ZNF236: variants seen among roughly 807,000 people sequenced by gnomAD.
The protein encoded by ZNF236 is regulated by glucose.
A neutral mutation model predicts 191.2 loss-of-function variants in ZNF236; 50 were observed. The ratio of observed to expected loss-of-function variants is 0.26; its 90% CI spans 0.21 to 0.33. The LOEUF (loss-of-function observed/expected upper bound fraction) is 0.33. ZNF236 is among the 10% of genes least tolerant of loss of function. The pLI is 1.00. For missense variants in ZNF236, 1,754 were observed against 2,374.5 expected (o/e 0.74, Z 5.43); for synonymous variants, 907 against 928.8 (o/e 0.98, Z 0.43).
intron 21 of ZNF236, among the ~76,000 whole-genome samples, chr18:76,923,947 A>T (rs1225894291): frequency 6.6e-6 from 1 of 152,184 alleles, no homozygotes; most frequent in East Asian, 1.9e-4. Context: ...TGTTGTTATA[A>T]TGATTCATAG....
At chr18:76,930,305 T>C (rs533387533) in intron 25 of ZNF236, among the ~76,000 whole-genome samples, 4 of 152,258 alleles carry the variant, frequency 2.6e-5, no homozygotes, top group Non-Finnish European at 5.9e-5. Context: ...TAGTGCAGCA[T>C]ACTTTTGTCT....
chr18:76,932,413 C>T (rs934656281), intron 25 of ZNF236, among the ~76,000 whole-genome samples: 1 of 152,196 alleles, frequency 6.6e-6, no homozygotes, highest in Non-Finnish European at 1.5e-5. Context: ...TTTCTCCAAA[C>T]GTTTTCTAAA....
chr18:76,881,601 T>C, intron 9 of ZNF236, 89 bp downstream of exon 9: 2 of 1,125,142 alleles, frequency 1.8e-6, no homozygotes, highest in Non-Finnish European at 2.5e-6. Context: ...CCTCTGAAGG[T>C]GATAGGATAT....
chr18:76,870,385 G>T (rs1191279345), intron 4 of ZNF236, among the ~76,000 whole-genome samples: 1 of 152,092 alleles, frequency 6.6e-6, no homozygotes. Flanking sequence ...AGGCTTTAAT[G>T]CAGGCATTTT....
Position 76,848,076 on chromosome 18 carries a change from C to A in ZNF236, c.56-1450C>A, listed in dbSNP as rs76108005. On this transcript the variant is annotated intron_variant, in intron 1 of 30. Coordinates refer to ENST00000320610, the MANE Select transcript of ZNF236 (RefSeq NM_001306089.2). ...CTCTGTGCCCCTCCCATGTGGGCTT[C>A]ACCTACCTCCTGTCTTTTGGAATCT... 2.3e-3 allele frequency among the ~76,000 whole-genome samples: 346 copies of A among 152,310 alleles called. 1 individual carries two copies. The highest frequency in any genetic ancestry group is 7.7e-3 in the African/African-American group (320 of 41,552).
At position 76,841,245 on chromosome 18, in the gene ZNF236, G is replaced by A. The variant is rs543072442; in HGVS notation, c.56-8281G>A. ...AGCCACCGCACCCGGCGTCGTTTTT[G>A]TATTTTTAGTAGAGACAAGGTTTCA... On this transcript the variant is annotated intron_variant, in intron 1 of 30. Coordinates refer to ENST00000320610, the MANE Select transcript of ZNF236 (RefSeq NM_001306089.2). 3.3e-5 allele frequency: 5 copies of A among 150,490 alleles called. No homozygotes were observed. The East Asian group carries it at 6.1e-4, about 18-fold the overall frequency. The allele number at this position is 150,490 out of a possible 1,614,324, so 9.3% of individuals were successfully genotyped here. A position where few individuals can be genotyped will look rare whatever the true frequency, so the allele number is the denominator to read the frequency against.
chr18:76,824,325 C>A, intron 1 of ZNF236: 1 of 781,058 alleles, frequency 1.3e-6, no homozygotes, highest in Admixed American at 1.7e-5. Flanking sequence ...CGTTGGTGAC[C>A]AACAGGCGTT....
chr18:76,848,951 G>A (rs988505156), intron 1 of ZNF236, among the ~76,000 whole-genome samples: 10 of 152,204 alleles, frequency 6.6e-5, no homozygotes, highest in African/African-American at 2.2e-4. Flanking sequence ...GAGCCACTGT[G>A]CGTGGCAGTT....
chr18:76,848,240 C>G (rs989816563), intron 1 of ZNF236, among the ~76,000 whole-genome samples: 1 of 152,222 alleles, frequency 6.6e-6, no homozygotes, highest in Non-Finnish European at 1.5e-5. Flanking sequence ...CACACAAACT[C>G]TTGAGAACAA....
At chr18:76,918,076 C>A (rs1000979329) in intron 19 of ZNF236, among the ~76,000 whole-genome samples, 1 of 152,122 alleles carries the variant, frequency 6.6e-6, no homozygotes, top group African/African-American at 2.4e-5. Flanking sequence ...TAACCACTGT[C>A]CACTTTGCAA....
chr18:76,863,058 A>G (rs114004464), intron 3 of ZNF236, among the ~76,000 whole-genome samples: 1,633 of 152,344 alleles, frequency 0.011, 38 homozygotes, highest in African/African-American at 0.037. Flanking sequence ...CCCATGATTG[A>G]ACTAAAGAAC....
At chr18:76,824,112 T>A (rs1460190961) in intron 1 of ZNF236, 3 of 567,154 alleles carry the variant, frequency 5.3e-6, no homozygotes, top group African/African-American at 3.8e-5. Flanking sequence ...CTGAGGCTCA[T>A]TAAAGAGCTT....
chr18:76,947,536 G>A lies in ZNF236; in HGVS notation c.4798G>A (p.Ala1600Thr). The change falls in exon 27 of 31, where the codon GCG (alanine) becomes ACG (threonine). Residue 1600 changes from alanine to threonine, a missense_variant. Ala to Thr is a moderately conservative substitution (Grantham distance 58). Coordinates refer to ENST00000320610, the MANE Select transcript of ZNF236 (RefSeq NM_001306089.2). ...NITSQGQQFP[A>T]LLTDPSLSGQ... is the part of the protein sequence containing the mutation. ...CTTTTGCCAGGGTCAGCAGTTCCCA[G>A]CGCTCCTCACGGATCCCTCTCTCTC... 1 of 1,613,830 alleles carries A rather than the reference G, an allele frequency of 6.2e-7. No individual in the cohort carries two copies. The highest frequency in any genetic ancestry group is 8.5e-7 in the Non-Finnish European group (1 of 1,179,876).
intron 1 of ZNF236, among the ~76,000 whole-genome samples, chr18:76,840,265 C>T (rs750560373): frequency 2.0e-4 from 31 of 152,304 alleles, no homozygotes; most frequent in Non-Finnish European, 4.1e-4. Context: ...GAGGCCGAGG[C>T]GGATGGATCA....
intron 9 of ZNF236, among the ~76,000 whole-genome samples, chr18:76,893,181 T>C (rs191849237): frequency 2.4e-4 from 36 of 152,370 alleles, no homozygotes; most frequent in Admixed American, 1.4e-3. Flanking sequence ...TTCTGGGGAA[T>C]GGTGTCCTAA....
chr18:76,836,279 G>A (rs1380268931), intron 1 of ZNF236, among the ~76,000 whole-genome samples: 3 of 151,774 alleles, frequency 2.0e-5, no homozygotes, highest in Non-Finnish European at 4.4e-5. Context: ...GGAGTGCAGT[G>A]GTGCGAGCAT....
intron 30 of ZNF236, among the ~76,000 whole-genome samples, chr18:76,967,670 G>T (rs200657077): frequency 1.0e-3 from 5 of 4,894 alleles, no homozygotes; most frequent in Admixed American, 1.9e-3. Flanking sequence ...TTGTGATTTG[G>T]TGTTGGAGGT....
chr18:76,900,384 C>T (rs111953034), intron 11 of ZNF236, among the ~76,000 whole-genome samples: 76 of 152,250 alleles, frequency 5.0e-4, no homozygotes, highest in East Asian at 2.3e-3. Flanking sequence ...CACCTTAAAA[C>T]GGAAGATTTG....
intron 1 of ZNF236, among the ~76,000 whole-genome samples, chr18:76,831,490 T>C (rs545243540): frequency 1.3e-5 from 2 of 152,350 alleles, no homozygotes; most frequent in East Asian, 3.9e-4. Flanking sequence ...GTAAAGTTGC[T>C]ATAAATATTT....
Sources: gnomAD v4.1 joint callset for allele counts (sites outside exome capture counted in the v4.1 genomes callset) on GRCh38, gnomAD v4.1.1 for gene constraint, MANE v1.5 for transcripts, NCBI Gene and HGNC (gene_info 2026-07-23, HGNC 2026-07-21) for gene names.